TMEM132D: variants seen among roughly 807,000 people sequenced by gnomAD.
TMEM132D encodes mature OL transmembrane protein.
TMEM132D carries 21 observed loss-of-function variants against 62.3 expected under a neutral mutation model. The ratio of observed to expected loss-of-function variants is 0.34; its 90% CI spans 0.24 to 0.49. The LOEUF (loss-of-function observed/expected upper bound fraction) is 0.49. Among genes scored for constraint, TMEM132D ranks in the 20% least tolerant of loss-of-function variants. The probability of loss-of-function intolerance (pLI) is 0.99; values close to 1 mark genes in which losing one functional copy is unlikely to be tolerated. For missense variants in TMEM132D, 1,346 were observed against 1,402.8 expected (o/e 0.96, Z 0.65); for synonymous variants, 621 against 575.6 (o/e 1.08, Z -1.13).
At position 129,811,737 on chromosome 12, in the gene TMEM132D, G is replaced by A. The variant is rs79196512; in HGVS notation, c.79+91524C>T. On this transcript the variant is annotated intron_variant, in intron 1 of 8. Coordinates refer to ENST00000422113, the MANE Select transcript of TMEM132D (RefSeq NM_133448.3). ...CCAGGAGAAGACGCCAGACAGATAC[G>A]GGGAGCAGGGCTCAGCATGCTGGAT... Among the ~76,000 whole-genome samples the A allele has an allele frequency of 1.3e-3, 199 of 151,904 alleles. 12 individuals carry two copies. The East Asian group carries it at 0.034, about 26-fold the overall frequency.
intron 3 of TMEM132D, among the ~76,000 whole-genome samples, chr12:129,515,745 A>T (rs1349566437): frequency 6.6e-6 from 1 of 152,178 alleles, no homozygotes. Context: ...ACCCCATTCC[A>T]GTCTATTACC....
chr12:129,085,604 G>A (rs981144631), intron 5 of TMEM132D: 6 of 152,200 alleles, frequency 3.9e-5, no homozygotes, highest in African/African-American at 9.7e-5. Flanking sequence ...CCAAACATGC[G>A]GATTCCTTTC....
intron 4 of TMEM132D, among the ~76,000 whole-genome samples, chr12:129,218,775 G>T (rs1566001207): frequency 6.6e-6 from 1 of 152,144 alleles, no homozygotes; most frequent in Admixed American, 6.5e-5. Context: ...TGGACATCTT[G>T]TTCATTTGAA....
intron 1 of TMEM132D, among the ~76,000 whole-genome samples, chr12:129,899,828 T>C (rs1476374998): frequency 1.3e-5 from 2 of 151,946 alleles, no homozygotes; most frequent in African/African-American, 2.4e-5. Flanking sequence ...TCTTTGTCTT[T>C]TCAATTTGAC....
chr12:129,313,869 T>A (rs373340609), intron 4 of TMEM132D, among the ~76,000 whole-genome samples: 11 of 152,258 alleles, frequency 7.2e-5, no homozygotes, highest in Admixed American at 2.0e-4. Context: ...CACACCAACA[T>A]GTACGGTTTT....
chr12:129,755,510 G>A (rs1870138883), intron 1 of TMEM132D, among the ~76,000 whole-genome samples: 1 of 152,142 alleles, frequency 6.6e-6, no homozygotes, highest in South Asian at 2.1e-4. Flanking sequence ...AGCCCCCTGT[G>A]ACCCGATCGC....
chr12:129,513,887 G>C, intron 3 of TMEM132D, among the ~76,000 whole-genome samples: 1 of 148,796 alleles, frequency 6.7e-6, no homozygotes, highest in Non-Finnish European at 1.5e-5. Context: ...GCCCAGGCTG[G>C]AGTGCAGTGG....
intron 1 of TMEM132D, among the ~76,000 whole-genome samples, chr12:129,902,613 T>A (rs928822394): frequency 6.6e-6 from 1 of 152,150 alleles, no homozygotes; most frequent in Non-Finnish European, 1.5e-5. Flanking sequence ...TCACAACTTG[T>A]AGCTGAAACT....
intron 5 of TMEM132D, among the ~76,000 whole-genome samples, chr12:129,125,544 A>T (rs1876188257): frequency 7.3e-6 from 1 of 136,714 alleles, no homozygotes; most frequent in East Asian, 2.1e-4. Context: ...TCGCTCTGTC[A>T]CCCAGGCTAG....
intron 3 of TMEM132D, among the ~76,000 whole-genome samples, chr12:129,429,873 G>A (rs11060339): frequency 0.29 from 44,508 of 151,042 alleles, 7,469 homozygotes; most frequent in East Asian, 0.48. Flanking sequence ...GAGAATGATG[G>A]TTTCCAGCTT....
At chr12:129,183,735 G>A (rs1406528277) in intron 5 of TMEM132D, among the ~76,000 whole-genome samples, 1 of 152,204 alleles carries the variant, frequency 6.6e-6, no homozygotes, top group Non-Finnish European at 1.5e-5. Flanking sequence ...CTTTGGAGCT[G>A]GGTGGTGGCT....
chr12:129,199,373 A>T (rs1016541728), intron 5 of TMEM132D, among the ~76,000 whole-genome samples: 1 of 152,168 alleles, frequency 6.6e-6, no homozygotes, highest in African/African-American at 2.4e-5. Flanking sequence ...AATTGTTGGG[A>T]TTACAGGTGT....
rs997249479 is a variant in TMEM132D at position 129,115,392 on chromosome 12, T to C, written c.1444-30690A>G. On this transcript the variant is annotated intron_variant, in intron 5 of 8. Transcript: ENST00000422113. ...TCTCTATCAAGACCCCAGGATGTGA[T>C]GAAATCTTTGGGATGGAGGTCGGGT... Among the ~76,000 whole-genome samples the C allele has an allele frequency of 2.6e-5, 4 of 152,234 alleles. No homozygotes were observed. In the East Asian group the frequency reaches 5.8e-4, roughly 22 times the overall value.
At chr12:129,299,967 A>G (rs1881670163) in intron 4 of TMEM132D, among the ~76,000 whole-genome samples, 1 of 152,230 alleles carries the variant, frequency 6.6e-6, no homozygotes, top group South Asian at 2.1e-4. Context: ...ATTCAAAGCC[A>G]TAAATATATC....
intron 2 of TMEM132D, among the ~76,000 whole-genome samples, chr12:129,607,142 G>C (rs1369247899): frequency 6.6e-6 from 1 of 151,504 alleles, no homozygotes; most frequent in Non-Finnish European, 1.5e-5. Flanking sequence ...CAATTTGTTA[G>C]AAGAACTCAC....
At chr12:129,620,498 C>T (rs1046735156) in intron 2 of TMEM132D, among the ~76,000 whole-genome samples, 12 of 152,122 alleles carry the variant, frequency 7.9e-5, no homozygotes, top group African/African-American at 2.7e-4. Flanking sequence ...GCTCGGGAGG[C>T]TGAAACTTGA....
chr12:129,162,185 C>G (rs1311730365), intron 5 of TMEM132D, among the ~76,000 whole-genome samples: 3 of 152,126 alleles, frequency 2.0e-5, no homozygotes, highest in Non-Finnish European at 2.9e-5. Flanking sequence ...GGGCCCTAAT[C>G]TGATAGGACT....
At chr12:129,872,147 G>C (rs2047709) in intron 1 of TMEM132D, among the ~76,000 whole-genome samples, 6 of 152,052 alleles carry the variant, frequency 3.9e-5, no homozygotes, top group African/African-American at 1.2e-4. Flanking sequence ...GTTTAGTGAC[G>C]TCTCAGTGTC....
At chr12:129,589,794 G>A (rs942627867) in intron 2 of TMEM132D, among the ~76,000 whole-genome samples, 2 of 152,134 alleles carry the variant, frequency 1.3e-5, no homozygotes, top group African/African-American at 4.8e-5. Context: ...CATTTATTCT[G>A]TTCTTACCAG....
Sources: gnomAD v4.1 joint callset for allele counts (sites outside exome capture counted in the v4.1 genomes callset) on GRCh38, gnomAD v4.1.1 for gene constraint, MANE v1.5 for transcripts, NCBI Gene and HGNC (gene_info 2026-07-23, HGNC 2026-07-21) for gene names.